The following MYO1D variants were observed in gnomAD, a reference collection of about 807,000 sequenced individuals.
MYO1D encodes the protein myosin ID.
A neutral mutation model predicts 122.0 loss-of-function variants in MYO1D; 83 were observed. That is an observed-to-expected ratio of 0.68 (90% CI 0.57 to 0.82). The LOEUF (loss-of-function observed/expected upper bound fraction) is 0.82, where lower values mean the gene tolerates loss of function less well. Ranked by LOEUF, MYO1D falls within the 40% of genes least tolerant of loss-of-function variation. MYO1D has a pLI of 0.00. For missense variants in MYO1D, 1,157 were observed against 1,269.5 expected (o/e 0.91, Z 1.35); for synonymous variants, 464 against 446.9 (o/e 1.04, Z -0.48).
intron 21 of MYO1D, among the ~76,000 whole-genome samples, chr17:32,507,228 C>T (rs1322456935): frequency 6.7e-6 from 1 of 150,326 alleles, no homozygotes; most frequent in African/African-American, 2.5e-5. Flanking sequence ...GAATGAGACC[C>T]TGTCTTTACA....
chr17:32,715,846 A>T (rs1232720004), intron 15 of MYO1D, among the ~76,000 whole-genome samples: 1 of 152,098 alleles, frequency 6.6e-6, no homozygotes, highest in African/African-American at 2.4e-5. Context: ...GGATCCTGAG[A>T]ATATTTTTAT....
intron 1 of MYO1D, among the ~76,000 whole-genome samples, chr17:32,817,043 T>C (rs751834729): frequency 6.6e-6 from 1 of 152,232 alleles, no homozygotes; most frequent in Non-Finnish European, 1.5e-5. Flanking sequence ...ACTAGATGTA[T>C]TGCTATAAAT....
chr17:32,870,131 C>T (rs944392606), intron 1 of MYO1D, among the ~76,000 whole-genome samples: 15 of 152,134 alleles, frequency 9.9e-5, no homozygotes, highest in African/African-American at 1.4e-4. Context: ...AACCAGGCGG[C>T]AGGGTGATTC....
intron 3 of MYO1D, 75 bp downstream of exon 3, chr17:32,778,405 A>C: frequency 1.8e-5 from 25 of 1,417,440 alleles, no homozygotes; most frequent in Non-Finnish European, 2.3e-5. Context: ...CTCAACCCCT[A>C]GAGTTTAGGT....
intron 1 of MYO1D, among the ~76,000 whole-genome samples, chr17:32,823,545 A>G (rs1189803865): frequency 6.6e-6 from 1 of 152,210 alleles, no homozygotes; most frequent in Non-Finnish European, 1.5e-5. Flanking sequence ...GTTGTTGGTA[A>G]GCCCACAGGT....
At chr17:32,824,066 C>CAAA (rs58786179) in intron 1 of MYO1D, among the ~76,000 whole-genome samples, 949 of 92,246 alleles carry the variant, frequency 0.01, 19 homozygotes, top group East Asian at 0.038. Flanking sequence ...GACTCCGTCT[C>CAAA]AAAAAAAAAA....
At chr17:32,600,490 T>C (rs2087549549) in intron 21 of MYO1D, among the ~76,000 whole-genome samples, 1 of 152,252 alleles carries the variant, frequency 6.6e-6, no homozygotes, top group African/African-American at 2.4e-5. Context: ...TAATCAATTA[T>C]CTTAGCTAGA....
intron 17 of MYO1D, among the ~76,000 whole-genome samples, chr17:32,658,364 T>C (rs189199101): frequency 1.3e-5 from 2 of 152,318 alleles, no homozygotes; most frequent in East Asian, 1.9e-4. Flanking sequence ...TGAGAAGAAG[T>C]AGCTTAGTTT....
intron 1 of MYO1D, among the ~76,000 whole-genome samples, chr17:32,813,154 T>G (rs1046842904): frequency 8.5e-5 from 13 of 152,208 alleles, no homozygotes; most frequent in African/African-American, 3.1e-4. Context: ...TCCTCAAATA[T>G]CACTCTACAG....
intron 21 of MYO1D, among the ~76,000 whole-genome samples, chr17:32,601,947 G>C (rs916985442): frequency 6.6e-6 from 1 of 152,144 alleles, no homozygotes; most frequent in African/African-American, 2.4e-5. Flanking sequence ...AGGTGAAAGA[G>C]AGACTAATTT....
chr17:32,836,919 G>T (rs905652821), intron 1 of MYO1D, among the ~76,000 whole-genome samples: 4 of 152,000 alleles, frequency 2.6e-5, no homozygotes, highest in African/African-American at 7.2e-5. Context: ...GAGTTAAATC[G>T]CTAGGTCATA....
rs1236235455 is a variant in MYO1D at position 32,632,610 on chromosome 17, CACACACACACACACACAT to C, written c.2709+6094_2709+6111del. On this transcript the variant is annotated intron_variant, in intron 20 of 21. Coordinates refer to ENST00000318217, the MANE Select transcript of MYO1D (RefSeq NM_015194.3). ...ATACACACACACACACACACACACA[CACACACACACACACACAT>C]ATATATATATATAAATAGGCAAATA... The C allele has an allele frequency of 1.7e-3, 254 of 150,806 alleles. 2 individuals carry two copies. Among genetic ancestry groups the C allele is most frequent in the African/African-American group, 5.7e-3 (233 of 41,148 alleles). The allele number at this position is 150,806 out of a possible 1,614,324, so 9.3% of individuals were successfully genotyped here.
intron 16 of MYO1D, among the ~76,000 whole-genome samples, chr17:32,683,801 T>C (rs1401427323): frequency 6.6e-6 from 1 of 152,220 alleles, no homozygotes; most frequent in Non-Finnish European, 1.5e-5. Context: ...GGCTGCTTTG[T>C]TTACCTAAGC....
intron 1 of MYO1D, among the ~76,000 whole-genome samples, chr17:32,864,007 C>CTTTTCTTTTTTTTTTTTTTT (rs2091100932): frequency 2.0e-5 from 1 of 48,978 alleles, no homozygotes; most frequent in African/African-American, 1.0e-4. Context: ...ACATTTCTTC[C>CTTTTCTTTTTTTTTTTTTTT]TTTTTTTTTT....
At chr17:32,638,641 G>A (rs969393330) in intron 20 of MYO1D, 81 bp downstream of exon 20, 15 of 857,790 alleles carry the variant, frequency 1.7e-5, no homozygotes, top group Non-Finnish European at 2.6e-5. Context: ...AAAGATTCTA[G>A]AACTCAGTCT....
chr17:32,666,250 TAC>T (rs983298695), intron 16 of MYO1D, among the ~76,000 whole-genome samples: 1 of 152,170 alleles, frequency 6.6e-6, no homozygotes, highest in African/African-American at 2.4e-5. Context: ...TCTACAGCCC[TAC>T]AGTCAGAACA....
intron 20 of MYO1D, among the ~76,000 whole-genome samples, chr17:32,630,546 T>A (rs565182693): frequency 1.6e-4 from 24 of 152,252 alleles, no homozygotes; most frequent in African/African-American, 5.3e-4. Context: ...AGGCTGGAAG[T>A]TTAAAATTAA....
chr17:32,553,561 G>A (rs1291405919), intron 21 of MYO1D, among the ~76,000 whole-genome samples: 2 of 152,152 alleles, frequency 1.3e-5, no homozygotes, highest in East Asian at 3.8e-4. Flanking sequence ...GCACAATGAA[G>A]GGCCTAGGTA....
chr17:32,644,913 T>G (rs775588249), intron 19 of MYO1D, among the ~76,000 whole-genome samples: 1 of 152,214 alleles, frequency 6.6e-6, no homozygotes, highest in African/African-American at 2.4e-5. Context: ...CATATTTACA[T>G]TTAAGGTTAA....
Sources: gnomAD v4.1 joint callset for allele counts (sites outside exome capture counted in the v4.1 genomes callset) on GRCh38, gnomAD v4.1.1 for gene constraint, MANE v1.5 for transcripts, NCBI Gene and HGNC (gene_info 2026-07-23, HGNC 2026-07-21) for gene names.